The following WWOX variants were observed in gnomAD, a reference collection of about 807,000 sequenced individuals.
The protein encoded by WWOX is WW domain-containing oxidoreductase.
In WWOX, 69 loss-of-function variants were observed where a neutral mutation model predicts 46.2. The ratio of observed to expected loss-of-function variants is 1.49; its 90% CI spans 1.23 to 1.82. The LOEUF is 1.82. Ranked by LOEUF, WWOX falls within the 40% of genes most tolerant of loss-of-function variation. The probability of loss-of-function intolerance (pLI) is 0.00; values close to 1 mark genes in which losing one functional copy is unlikely to be tolerated. For synonymous variants in WWOX, 359 were observed against 202.6 expected, an observed-to-expected ratio of 1.77 and a Z score of -6.56; for missense variants, 919 against 542.6, an observed-to-expected ratio of 1.69 and a Z score of -6.89.
intron 8 of WWOX, among the ~76,000 whole-genome samples, chr16:78,859,907 G>C (rs1415473314): frequency 6.6e-6 from 1 of 152,040 alleles, no homozygotes; most frequent in Non-Finnish European, 1.5e-5. Context: ...TTTCCAAGTA[G>C]ACATATTTTT....
In WWOX at chr16:78,110,106, TC is replaced by T. The variant is rs376647960; in HGVS notation, c.230+272del. On this transcript the variant is annotated intron_variant, in intron 3 of 8. Transcript: ENST00000566780. ...CCTGTAATCCCAGCACTTTGGGAGG[TC>T]GAAGTGGGTGGATCCTGAGGTCAAG... 2.5e-3 allele frequency among the ~76,000 whole-genome samples: 366 copies of T among 148,538 alleles called. 3 individuals carry two copies. The highest frequency in any genetic ancestry group is 8.8e-3 in the African/African-American group (354 of 40,290).
chr16:78,364,341 T>C (rs2081483134), intron 5 of WWOX, among the ~76,000 whole-genome samples: 1 of 152,216 alleles, frequency 6.6e-6, no homozygotes, highest in Admixed American at 6.5e-5. Context: ...GAACTAAGGC[T>C]GTATCTAATT....
At chr16:78,542,200 C>T (rs186193059) in intron 8 of WWOX, among the ~76,000 whole-genome samples, 1 of 152,016 alleles carries the variant, frequency 6.6e-6, no homozygotes, top group African/African-American at 2.4e-5. Context: ...TCAGGTGTAT[C>T]TCCAGCCCTC....
At chr16:78,425,910 A>G (rs2083065505) in intron 7 of WWOX, among the ~76,000 whole-genome samples, 1 of 149,546 alleles carries the variant, frequency 6.7e-6, no homozygotes, top group Non-Finnish European at 1.5e-5. Context: ...GAAATGTTTT[A>G]GTGACCCAGA....
chr16:78,610,103 C>T (rs74029592), intron 8 of WWOX, among the ~76,000 whole-genome samples: 2,685 of 152,268 alleles, frequency 0.018, 80 homozygotes, highest in African/African-American at 0.061. Context: ...TGGTCTGTGG[C>T]AAGGTCCCTG....
chr16:78,435,284 A>C (rs1000395046), intron 8 of WWOX, among the ~76,000 whole-genome samples: 1 of 152,170 alleles, frequency 6.6e-6, no homozygotes, highest in Non-Finnish European at 1.5e-5. Context: ...GCAGATGCCC[A>C]ACCTCCATGC....
chr16:79,066,921 C>T (rs2048452240), intron 8 of WWOX, among the ~76,000 whole-genome samples: 1 of 152,118 alleles, frequency 6.6e-6, no homozygotes, highest in African/African-American at 2.4e-5. Flanking sequence ...CAGTCGAAGA[C>T]ACTGGCAGAT....
At chr16:78,368,558 G>A (rs912386995) in intron 5 of WWOX, among the ~76,000 whole-genome samples, 1 of 152,192 alleles carries the variant, frequency 6.6e-6, no homozygotes, top group African/African-American at 2.4e-5. Context: ...TCAAACCAAG[G>A]AGAAAAAGGA....
intron 8 of WWOX, among the ~76,000 whole-genome samples, chr16:79,061,426 C>G (rs1349459020): frequency 1.3e-5 from 2 of 152,166 alleles, no homozygotes; most frequent in Admixed American, 6.5e-5. Context: ...TGTGGGAGGA[C>G]TGGTATAAGT....
chr16:78,821,656 A>T (rs1330117807), intron 8 of WWOX, among the ~76,000 whole-genome samples: 3 of 152,188 alleles, frequency 2.0e-5, no homozygotes, highest in African/African-American at 7.2e-5. Flanking sequence ...GCACTGAGGC[A>T]TGTGGTCGTT....
chr16:78,544,094 T>C (rs2043964350), intron 8 of WWOX, among the ~76,000 whole-genome samples: 1 of 152,206 alleles, frequency 6.6e-6, no homozygotes, highest in African/African-American at 2.4e-5. Flanking sequence ...TTTTTGACTT[T>C]CAGGATATTT....
chr16:78,604,372 G>T (rs1048987603), intron 8 of WWOX, among the ~76,000 whole-genome samples: 1 of 152,016 alleles, frequency 6.6e-6, no homozygotes, highest in Non-Finnish European at 1.5e-5. Flanking sequence ...ACTGTACATG[G>T]GCCCTCGTTT....
intron 8 of WWOX, among the ~76,000 whole-genome samples, chr16:78,887,666 A>G (rs1038107014): frequency 2.0e-5 from 3 of 152,196 alleles, no homozygotes; most frequent in African/African-American, 7.2e-5. Flanking sequence ...ATTCCATAAA[A>G]TAGTGCATTT....
At chr16:78,141,970 C>T (rs2034003852) in intron 4 of WWOX, among the ~76,000 whole-genome samples, 1 of 145,772 alleles carries the variant, frequency 6.9e-6, no homozygotes, top group African/African-American at 2.6e-5. Flanking sequence ...TTTCTAAATT[C>T]TTCCTTATAA....
In WWOX at chr16:78,955,655, G is replaced by GT. The variant is rs369149420; in HGVS notation, c.1057-255945dup. On this transcript the variant is annotated intron_variant, in intron 8 of 8. Coordinates refer to ENST00000566780, the MANE Select transcript of WWOX (RefSeq NM_016373.4). ...CTTTTTATTTTTAAAATTTATTTTT[G>GT]TTTTTTTTGTTTTGAGACAGGGTCT... Among the ~76,000 whole-genome samples the GT allele has an allele frequency of 4.0e-3, 597 of 148,592 alleles. 6 individuals are homozygous for GT. Among genetic ancestry groups the GT allele is most frequent in the African/African-American group, 0.013 (543 of 40,468 alleles).
At chr16:78,319,082 A>G (rs1002733294) in intron 5 of WWOX, among the ~76,000 whole-genome samples, 2 of 152,072 alleles carry the variant, frequency 1.3e-5, no homozygotes, top group Non-Finnish European at 2.9e-5. Flanking sequence ...CAGGATTCCT[A>G]AAAGGGGGAG....
intron 8 of WWOX, among the ~76,000 whole-genome samples, chr16:78,618,498 T>C (rs778614614): frequency 2.1e-4 from 32 of 152,298 alleles, no homozygotes; most frequent in South Asian, 8.3e-4. Context: ...GTGAGGGCAC[T>C]GGTCATATTG....
intron 8 of WWOX, among the ~76,000 whole-genome samples, chr16:79,166,262 C>G (rs1182468611): frequency 6.6e-6 from 1 of 152,216 alleles, no homozygotes; most frequent in Non-Finnish European, 1.5e-5. Flanking sequence ...CCCTCACTCC[C>G]AACTCAGCAA....
chr16:78,818,753 C>T (rs375327195), intron 8 of WWOX, among the ~76,000 whole-genome samples: 3 of 152,196 alleles, frequency 2.0e-5, no homozygotes, highest in African/African-American at 7.2e-5. Flanking sequence ...CCAGTCAAGT[C>T]ATTAACTATT....
Sources: gnomAD v4.1 joint callset for allele counts (sites outside exome capture counted in the v4.1 genomes callset) on GRCh38, gnomAD v4.1.1 for gene constraint, MANE v1.5 for transcripts, NCBI Gene and HGNC (gene_info 2026-07-23, HGNC 2026-07-21) for gene names.